Variants in IMMP2L observed in about 807,000 individuals in gnomAD.
The protein encoded by IMMP2L is inner mitochondrial membrane peptidase subunit 2, also known as mitochondrial inner membrane protease subunit 2.
A neutral mutation model predicts 19.3 loss-of-function variants in IMMP2L; 18 were observed. That is an observed-to-expected ratio of 0.93 (90% confidence interval 0.64 to 1.38). The LOEUF (loss-of-function observed/expected upper bound fraction) is 1.38, where lower values mean the gene tolerates loss of function less well. Among genes scored for constraint, IMMP2L ranks in the 40% most tolerant of loss-of-function variants. The pLI, the probability that IMMP2L is intolerant of heterozygous loss-of-function variation, is 0.00. For synonymous variants in IMMP2L, 76 were observed against 73.0 expected, an observed-to-expected ratio of 1.04 and a Z score of -0.21; for missense variants, 233 against 218.2, an observed-to-expected ratio of 1.07 and a Z score of -0.43.
At chr7:111,365,107 T>C (rs957968020) in intron 3 of IMMP2L, among the ~76,000 whole-genome samples, 2 of 152,068 alleles carry the variant, frequency 1.3e-5, no homozygotes, top group African/African-American at 4.8e-5. Context: ...AGATAAACTT[T>C]AAATAAGAAG....
intron 3 of IMMP2L, among the ~76,000 whole-genome samples, chr7:111,050,076 A>T (rs981414485): frequency 6.6e-6 from 1 of 152,224 alleles, no homozygotes; most frequent in South Asian, 2.1e-4. Context: ...TTCAAAATTT[A>T]TTCCACTGGA....
chr7:111,282,951 T>G (rs1162872316), intron 3 of IMMP2L, among the ~76,000 whole-genome samples: 1 of 152,144 alleles, frequency 6.6e-6, no homozygotes, highest in African/African-American at 2.4e-5. Flanking sequence ...AACAGGAGAC[T>G]TGAACAATAC....
Position 111,398,104 on chromosome 7 carries a change from C to T in IMMP2L, c.239+89134G>A, listed in dbSNP as rs902150863. 3.3e-5 allele frequency among the ~76,000 whole-genome samples: 5 copies of T among 151,968 alleles called. No homozygotes were observed. The South Asian group carries it at 1.0e-3, about 32-fold the overall frequency. On this transcript the variant is annotated intron_variant, in intron 3 of 5. Coordinates refer to ENST00000405709, the MANE Select transcript of IMMP2L (RefSeq NM_032549.4). ...AGTATTTTAACACGTCAAGTTTAAA[C>T]CATAAACACTTTTCGGATTAATTTT... is the stretch of plus-strand genomic sequence containing the variant.
At chr7:110,943,418 A>G (rs1411535965) in intron 4 of IMMP2L, among the ~76,000 whole-genome samples, 1 of 152,046 alleles carries the variant, frequency 6.6e-6, no homozygotes, top group Non-Finnish European at 1.5e-5. Context: ...CCCATCCCTG[A>G]CAGAGGGATA....
intron 5 of IMMP2L, among the ~76,000 whole-genome samples, chr7:110,722,893 T>G (rs1377741984): frequency 6.6e-6 from 1 of 152,046 alleles, no homozygotes; most frequent in African/African-American, 2.4e-5. Context: ...AGCTCTTTAT[T>G]CTTCATTTTC....
chr7:111,219,056 T>C (rs1562939092), intron 3 of IMMP2L, among the ~76,000 whole-genome samples: 1 of 151,948 alleles, frequency 6.6e-6, no homozygotes, highest in Non-Finnish European at 1.5e-5. Flanking sequence ...GAAATAGAGG[T>C]ATTAAGCTAG....
chr7:110,947,631 TC>T (rs1817392048), intron 4 of IMMP2L, among the ~76,000 whole-genome samples: 1 of 152,226 alleles, frequency 6.6e-6, no homozygotes, highest in Non-Finnish European at 1.5e-5. Flanking sequence ...ATTTTGGCTT[TC>T]CATCCTACTA....
At chr7:110,752,858 A>C (rs1797806406) in intron 5 of IMMP2L, among the ~76,000 whole-genome samples, 1 of 152,064 alleles carries the variant, frequency 6.6e-6, no homozygotes, top group Non-Finnish European at 1.5e-5. Context: ...AGATTATTGA[A>C]TATTACAGCT....
At chr7:111,278,937 C>T (rs920676471) in intron 3 of IMMP2L, among the ~76,000 whole-genome samples, 8 of 151,870 alleles carry the variant, frequency 5.3e-5, no homozygotes, top group Non-Finnish European at 8.8e-5. Context: ...GTCATCAGTT[C>T]TATGAGAATG....
At chr7:111,359,884 T>C (rs1829096926) in intron 3 of IMMP2L, among the ~76,000 whole-genome samples, 2 of 152,078 alleles carry the variant, frequency 1.3e-5, no homozygotes, top group Admixed American at 6.6e-5. Flanking sequence ...GAAAGATAAA[T>C]AGATGGTTAA....
At chr7:111,308,286 A>G (rs1481462458) in intron 3 of IMMP2L, among the ~76,000 whole-genome samples, 1 of 151,998 alleles carries the variant, frequency 6.6e-6, no homozygotes, top group African/African-American at 2.4e-5. Context: ...ATAAATATAT[A>G]AGGGTAAACA....
chr7:110,931,596 T>C (rs1815493438), intron 4 of IMMP2L, among the ~76,000 whole-genome samples: 2 of 152,156 alleles, frequency 1.3e-5, no homozygotes, highest in African/African-American at 4.8e-5. Context: ...TTTCTTTCCA[T>C]TTCCATTCTA....
At chr7:111,055,483 A>G (rs1793422047) in intron 3 of IMMP2L, among the ~76,000 whole-genome samples, 1 of 152,144 alleles carries the variant, frequency 6.6e-6, no homozygotes, top group Non-Finnish European at 1.5e-5. Context: ...ATACCCTGAC[A>G]GGGATTCTCT....
Position 111,434,630 on chromosome 7 carries a change from C to T in IMMP2L, c.239+52608G>A, listed in dbSNP as rs544353277. Among the ~76,000 whole-genome samples the T allele has an allele frequency of 4.5e-4, 68 of 151,744 alleles. 1 individual carries two copies. The South Asian group carries it at 8.7e-3, about 19-fold the overall frequency. On this transcript the variant is annotated intron_variant, in intron 3 of 5. Coordinates refer to ENST00000405709, the MANE Select transcript of IMMP2L (RefSeq NM_032549.4). ...GCGCAATCTTGGCTCACTGCAACCT[C>T]CACCTCTTGGATTCAAGAGATTCTC...
chr7:111,387,150 T>C (rs1211455324), intron 3 of IMMP2L, among the ~76,000 whole-genome samples: 1 of 152,170 alleles, frequency 6.6e-6, no homozygotes, highest in Non-Finnish European at 1.5e-5. Context: ...AATGATGAGG[T>C]TCCTGCAGAT....
intron 5 of IMMP2L, among the ~76,000 whole-genome samples, chr7:110,885,512 A>T (rs906711232): frequency 1.1e-4 from 16 of 152,064 alleles, no homozygotes; most frequent in Non-Finnish European, 1.9e-4. Flanking sequence ...GGGATTCATA[A>T]ATACAGACTT....
chr7:111,150,412 T>G (rs192755227), intron 3 of IMMP2L, among the ~76,000 whole-genome samples: 2 of 152,052 alleles, frequency 1.3e-5, no homozygotes, highest in East Asian at 3.9e-4. Flanking sequence ...TATTAAAGAG[T>G]ACATTACCTG....
chr7:111,059,529 C>T lies in IMMP2L; in HGVS notation c.240-95964G>A, dbSNP rs188494021. 2.0e-5 allele frequency among the ~76,000 whole-genome samples: 3 copies of T among 152,264 alleles called. No homozygotes were observed. The East Asian group carries it at 5.8e-4, about 29-fold the overall frequency. ...AATTATTACAGACCTATCTCCCCTG[C>T]TAGACTAACACTTCATGAGGGGAGG... On this transcript the variant is annotated intron_variant, in intron 3 of 5. Transcript: ENST00000405709.
intron 3 of IMMP2L, among the ~76,000 whole-genome samples, chr7:111,069,146 G>A (rs539231348): frequency 4.6e-5 from 7 of 152,270 alleles, no homozygotes; most frequent in Admixed American, 1.3e-4. Context: ...TTGAGGGTAC[G>A]AGACTAGGTC....
Sources: allele counts gnomAD v4.1 joint callset (sites outside exome capture counted in the v4.1 genomes callset), GRCh38; gene constraint gnomAD v4.1.1; transcripts MANE v1.5; gene names NCBI Gene and HGNC (gene_info 2026-07-23, HGNC 2026-07-21).